The following SAMD9L variants were observed in gnomAD, a reference collection of about 807,000 sequenced individuals.
SAMD9L encodes sterile alpha motif domain containing 9 like.
In SAMD9L, 68 loss-of-function variants were observed where a neutral mutation model predicts 90.7. The observed-to-expected ratio is 0.75, with a 90% CI of 0.62 to 0.92. The LOEUF (loss-of-function observed/expected upper bound fraction) is 0.92, where lower values mean the gene tolerates loss of function less well. Among genes scored for constraint, SAMD9L ranks in the 40% least tolerant of loss-of-function variants. The probability of loss-of-function intolerance (pLI) is 0.00; values close to 1 mark genes in which losing one functional copy is unlikely to be tolerated. For missense variants in SAMD9L, 1,604 were observed against 1,824.3 expected, an observed-to-expected ratio of 0.88 and a Z score of 2.20; for synonymous variants, 640 against 630.1, an observed-to-expected ratio of 1.02 and a Z score of -0.23.
At chr7:93,147,914 C>T (rs1792954582) in intron 1 of SAMD9L, among the ~76,000 whole-genome samples, 1 of 152,150 alleles carries the variant, frequency 6.6e-6, no homozygotes, top group African/African-American at 2.4e-5. Flanking sequence ...TTTCTCTATC[C>T]TCTTTTCCAA....
At chr7:93,143,003 A>G (rs554235086) in intron 4 of SAMD9L, among the ~76,000 whole-genome samples, 1 of 152,344 alleles carries the variant, frequency 6.6e-6, no homozygotes, top group African/African-American at 2.4e-5. Context: ...CTTAGCAACC[A>G]TTACATGCCC....
chr7:93,135,652 G>A lies in SAMD9L; in HGVS notation c.320C>T (p.Thr107Ile). 3 of 1,613,886 alleles carry A rather than the reference G, an allele frequency of 1.9e-6. 1 individual carries two copies. The highest frequency in any genetic ancestry group is 2.2e-5 in the South Asian group (2 of 91,072). Residue 107 changes from threonine to isoleucine, a missense_variant, in exon 5 of 5, where the codon ACC becomes ATC. This residue lies in a region of SAMD9L where 374 missense variants were observed against 363.6 expected (regional missense o/e 1.03). Transcript: ENST00000318238. ...CATTGAATTTTCTTCTTCCTTTTTG[G>A]TGTGTTTTGGATTTTTCTGGTGTTC... ...KTEHQKNPKH[T>I]KKEEENSMSS...
Position 93,132,070 on chromosome 7 carries a change from C to T in SAMD9L, c.3902G>A (p.Arg1301Lys), listed in dbSNP as rs1481116213. 6.2e-7 allele frequency: 1 copy of T among 1,613,708 alleles called. No homozygotes were observed. The highest frequency in any genetic ancestry group is 2.2e-5 in the East Asian group (1 of 44,864). ...ATGACAGAAAAGTTCTGTGTATTTC[C>T]TGAAACAACGACTGACTTTCTTGCT... is the stretch of plus-strand genomic sequence containing the variant. ...MLSKKVSRCFRKYTELFCHLD... is the reference protein window; with the variant it reads ...MLSKKVSRCFKKYTELFCHLD... Residue 1301 changes from arginine (R) to lysine (K), a missense_variant, in exon 5 of 5, where the codon AGG (arginine) becomes AAG (lysine). This residue lies in a region of SAMD9L where 282 missense variants were observed against 329.6 expected (regional missense o/e 0.86). Coordinates refer to ENST00000318238, the MANE Select transcript of SAMD9L (RefSeq NM_152703.5).
At position 93,134,771 on chromosome 7, in the gene SAMD9L, G is replaced by A. The variant is rs780776637; in HGVS notation, c.1201C>T (p.Leu401Phe). 18 of 1,613,202 alleles carry A rather than the reference G, an allele frequency of 1.1e-5. No individual in the cohort carries two copies. In the Admixed American group the frequency reaches 2.3e-4, roughly 21 times the overall value. Residue 401 changes from leucine to phenylalanine, a missense_variant, in exon 5 of 5, where the codon CTT (leucine) becomes TTT (phenylalanine). By Grantham distance (22) the Leu-to-Phe change is conservative (BLOSUM62 0). Coordinates refer to ENST00000318238, the MANE Select transcript of SAMD9L (RefSeq NM_152703.5). ...AGTGAGTCTCGGTTTCCTATGAGAA[G>A]TTTAACCAGCTTTAGTCCTTCACTC... ...KESEGLKLVK[L>F]LIGNRDSLDN...
At position 93,131,708 on chromosome 7, in the gene SAMD9L, G is replaced by C. The variant is rs1342257601; in HGVS notation, c.4264C>G (p.Gln1422Glu). Reference protein sequence around the residue: ...EVLQFVGLSHQYPGPYFLACL... With the variant: ...EVLQFVGLSHEYPGPYFLACL... ...GCCAAGAAATAAGGACCTGGATATT[G>C]ATGACTTAGTCCTACAAATTGCAAG... is the stretch of plus-strand genomic sequence containing the variant. Residue 1422 changes from glutamine to glutamate, a missense_variant, in exon 5 of 5, where the codon CAA becomes GAA. Physicochemically the swap from Gln to Glu is conservative, Grantham distance 29. This residue lies in a region of SAMD9L where 282 missense variants were observed against 329.6 expected (regional missense o/e 0.86). Transcript: ENST00000318238. 6.2e-7 allele frequency: 1 copy of C among 1,613,770 alleles called. No homozygotes were observed. Among genetic ancestry groups the C allele is most frequent in the East Asian group, 2.2e-5 (1 of 44,892 alleles).
Position 93,132,695 on chromosome 7 carries a change from A to T in SAMD9L, c.3277T>A (p.Tyr1093Asn). 1 of 1,613,878 alleles carries T rather than the reference A, an allele frequency of 6.2e-7. No individual in the cohort carries two copies. The highest frequency in any genetic ancestry group is 1.1e-5 in the South Asian group (1 of 91,076). The stretch of plus-strand genomic sequence containing the variant: ...GTGTTAAAGTCCTTCTCTTTAATGT[A>T]GAAATGTCTTGCTAAGGCTTGACAA... Reference protein sequence around the residue: ...FICQALARHFYIKEKDFNTAL... With the variant: ...FICQALARHFNIKEKDFNTAL... Residue 1093 changes from tyrosine to asparagine, a missense_variant, in exon 5 of 5, where the codon TAC becomes AAC. Tyr to Asn is a moderately radical substitution (Grantham distance 143). Transcript: ENST00000318238.
In SAMD9L at chr7:93,131,286, T is replaced by G; in HGVS notation, c.4686A>C (p.Ile1562=). 1 of 1,609,388 alleles carries G rather than the reference T, an allele frequency of 6.2e-7. No homozygotes were observed. Among genetic ancestry groups the G allele is most frequent in the Non-Finnish European group, 8.5e-7 (1 of 1,178,346 alleles). The part of the protein sequence containing the change: ...YSGPLRSGRN[I]ERVSFYLGFS... ...ATCCTAGGTAGAAAGACACTCTTTC[T>G]ATGTTCCTACCACTTCTGAGTGGAC... The change falls in exon 5 of 5, where the codon ATA becomes ATC. Residue 1562 remains isoleucine, a synonymous_variant. Coordinates refer to ENST00000318238, the MANE Select transcript of SAMD9L (RefSeq NM_152703.5).
At position 93,130,263 on chromosome 7, in the gene SAMD9L, C is replaced by T. The variant is rs1011807946; in HGVS notation, c.*954G>A. On this transcript the variant is annotated 3_prime_UTR_variant, in exon 5 of 5. Transcript: ENST00000318238. Reference sequence around the variant, plus strand: ...GAACACATATTACCATGAGGAAGCCCTCTAATCAGGCAGGAATGATGGTGG... The same window carrying T: ...GAACACATATTACCATGAGGAAGCCTTCTAATCAGGCAGGAATGATGGTGG... The T allele has an allele frequency of 1.6e-4, 24 of 152,090 alleles. No individual in the cohort carries two copies. Among genetic ancestry groups the T allele is most frequent in the African/African-American group, 5.6e-4 (23 of 41,394 alleles). 9.4% of individuals were successfully genotyped at this position (152,090 alleles called of 1,614,324 possible). A position where few individuals can be genotyped will look rare whatever the true frequency, so the allele number is the denominator to read the frequency against.
chr7:93,135,068 T>C lies in SAMD9L; in HGVS notation c.904A>G (p.Arg302Gly). Residue 302 changes from arginine (R) to glycine (G), a missense_variant, in exon 5 of 5, where the codon AGA becomes GGA. Arg to Gly is a moderately radical substitution (Grantham distance 125). Coordinates refer to ENST00000318238, the MANE Select transcript of SAMD9L (RefSeq NM_152703.5). ...ATAGTATCAACTTCAATGACAAATC[T>C]GTCAGATGGTGTATTGTTCTGCAGA... Reference protein sequence around the residue: ...VLLQNNTPSDRFVIEVDTIPK... With the variant: ...VLLQNNTPSDGFVIEVDTIPK... The C allele has an allele frequency of 6.2e-7, 1 of 1,613,226 alleles. No homozygotes were observed. The highest frequency in any genetic ancestry group is 8.5e-7 in the Non-Finnish European group (1 of 1,179,774).
chr7:93,133,935 A>G lies in SAMD9L; in HGVS notation c.2037T>C (p.Phe679=), dbSNP rs188902048. The G allele has an allele frequency of 6.2e-7, 1 of 1,613,756 alleles. No individual in the cohort carries two copies. Among genetic ancestry groups the G allele is most frequent in the Non-Finnish European group, 8.5e-7 (1 of 1,179,884 alleles). Residue 679 remains phenylalanine (F), a synonymous_variant, in exon 5 of 5, where the codon TTT becomes TTC. Transcript: ENST00000318238. ...AAAAGTGTTCTTCTTTTGATTTCTTAAACTCCAGGAATTTAGATTTGTCTT... is the reference window on the plus strand; with the variant it reads ...AAAAGTGTTCTTCTTTTGATTTCTTGAACTCCAGGAATTTAGATTTGTCTT... ...IEKDKSKFLE[F]KKSKEEHFYR... is the part of the protein sequence containing the mutation.
rs767767913 is a variant in SAMD9L at position 93,131,644 on chromosome 7, T to G, written c.4328A>C (p.Gln1443Pro). Residue 1443 changes from glutamine (Q) to proline (P), a missense_variant, in exon 5 of 5, where the codon CAA (glutamine) becomes CCA (proline). By Grantham distance (76) the Gln-to-Pro change is moderately conservative. Around this residue, in one of 7 missense-constraint regions of SAMD9L, gnomAD observed 282 missense variants for 329.6 expected, o/e 0.86. Coordinates refer to ENST00000318238, the MANE Select transcript of SAMD9L (RefSeq NM_152703.5). ...ATACTTTTCTATTAGTTTGGAATCT[T>G]GATCTAGCTCTTGATTTTCTGGCCA... Reference protein sequence around the residue: ...LFWPENQELDQDSKLIEKYVS... With the variant: ...LFWPENQELDPDSKLIEKYVS... 27 of 1,613,920 alleles carry G rather than the reference T, an allele frequency of 1.7e-5. No individual in the cohort carries two copies. The highest frequency in any genetic ancestry group is 2.2e-5 in the Non-Finnish European group (26 of 1,179,898).
At chr7:93,137,734 GTTTT>G (rs61599939) in intron 4 of SAMD9L, among the ~76,000 whole-genome samples, 80 of 121,944 alleles carry the variant, frequency 6.6e-4, no homozygotes, top group East Asian at 2.5e-3. Flanking sequence ...AGGAACCTAA[GTTTT>G]TTTTTTTTTT....
In SAMD9L at chr7:93,133,055, T is replaced by C; in HGVS notation, c.2917A>G (p.Lys973Glu). Reference sequence around the variant, plus strand: ...CTCCCATATTCTGCAACTTCTGTTTTTATTAGAAGTGTAGAATAAGTTCCC... The same window carrying C: ...CTCCCATATTCTGCAACTTCTGTTTCTATTAGAAGTGTAGAATAAGTTCCC... ...KMGTYSTLLI[K>E]TEVAEYGRYT... The change falls in exon 5 of 5, where the codon AAA (lysine) becomes GAA (glutamate). Residue 973 changes from lysine to glutamate, a missense_variant. Physicochemically the swap from Lys to Glu is moderately conservative, Grantham distance 56. Coordinates refer to ENST00000318238, the MANE Select transcript of SAMD9L (RefSeq NM_152703.5). 6.2e-7 allele frequency: 1 copy of C among 1,613,628 alleles called. No homozygotes were observed. The highest frequency in any genetic ancestry group is 8.5e-7 in the Non-Finnish European group (1 of 1,179,722).
chr7:93,132,607 G>A lies in SAMD9L; in HGVS notation c.3365C>T (p.Thr1122Ile), dbSNP rs748535281. 3.2e-5 allele frequency: 51 copies of A among 1,613,558 alleles called. No homozygotes were observed. The highest frequency in any genetic ancestry group is 4.0e-5 in the African/African-American group (3 of 74,866). The change falls in exon 5 of 5, where the codon ACA becomes ATA. Residue 1122 changes from threonine (T) to isoleucine (I), a missense_variant. Physicochemically the swap from Thr to Ile is moderately conservative, Grantham distance 89. This residue lies in a region of SAMD9L where 302 missense variants were observed against 314.7 expected (regional missense o/e 0.96). Coordinates refer to ENST00000318238, the MANE Select transcript of SAMD9L (RefSeq NM_152703.5). ...TTCACTTTTGTAGACTTGACCTAGT[G>A]TATCTGAAATATAGGAATTTTTAGG... ...KAPKNSYISD[T>I]LGQVYKSEIK...
rs1157549872 is a variant in SAMD9L, at chr7:93,134,057, C to G, written c.1915G>C (p.Gly639Arg). The G allele has an allele frequency of 6.2e-7, 1 of 1,613,858 alleles. No individual in the cohort carries two copies. Among genetic ancestry groups the G allele is most frequent in the Non-Finnish European group, 8.5e-7 (1 of 1,179,878 alleles). The change falls in exon 5 of 5, where the codon GGA becomes CGA. Residue 639 changes from glycine (G) to arginine (R), a missense_variant. By Grantham distance (125) the Gly-to-Arg change is moderately radical. Coordinates refer to ENST00000318238, the MANE Select transcript of SAMD9L (RefSeq NM_152703.5). ...RSSRRFLPAR[G>R]SSSVILEKKK... ...TTCTCTAGGATAACTGAAGAAGATC[C>G]ACGGGCGGGCAAAAACCTTCTTGAT...
At position 93,133,337 on chromosome 7, in the gene SAMD9L, G is replaced by A; in HGVS notation, c.2635C>T (p.Gln879Ter). The change falls in exon 5 of 5, where the codon CAG becomes TAG. Residue 879 changes from glutamine (Q) to a stop codon, truncating the protein, a stop_gained. Coordinates refer to ENST00000318238, the MANE Select transcript of SAMD9L (RefSeq NM_152703.5). LOFTEE classifies it high-confidence loss of function. ...TAAAAGTTTTCACAGTTCTTGTGCT[G>A]CTTTTCAATTTCCTTCAGTTTGGCA... ...FGAKLKEIEK[Q>*]HKNCENFYSF... 6.2e-7 allele frequency: 1 copy of A among 1,613,004 alleles called. No homozygotes were observed. Among genetic ancestry groups the A allele is most frequent in the African/African-American group, 1.3e-5 (1 of 74,948 alleles).
In SAMD9L at chr7:93,133,983, C is replaced by T. The variant is rs1792282893; in HGVS notation, c.1989G>A (p.Glu663=). 1.2e-6 allele frequency: 2 copies of T among 1,613,544 alleles called. No individual in the cohort carries two copies. Among genetic ancestry groups the T allele is most frequent in the South Asian group, 2.2e-5 (2 of 91,050 alleles). The part of the protein sequence containing the change: ...LTALEILCEN[E]CTETDIEKDK... ...CTTTCTCGATGTCTGTCTCTGTACA[C>T]TCATTTTCACAGAGGATTTCCAGTG... Residue 663 remains glutamate (E), a synonymous_variant, in exon 5 of 5, where the codon GAG becomes GAA. Coordinates refer to ENST00000318238, the MANE Select transcript of SAMD9L (RefSeq NM_152703.5).
chr7:93,131,993 TCTC>T lies in SAMD9L; in HGVS notation c.3976_3978del (p.Glu1326del), dbSNP rs1217479451. ...AGAGCTTCTAGCTTTTTCCTGCAAT[TCTC>T]CTCCTGGAGTAATTGACTCTCTTTA... On this transcript the variant is annotated inframe_deletion, in exon 5 of 5. Transcript: ENST00000318238. The T allele has an allele frequency of 1.2e-6, 2 of 1,611,906 alleles. No individual in the cohort carries two copies. Among genetic ancestry groups the T allele is most frequent in the African/African-American group, 1.3e-5 (1 of 74,838 alleles).
chr7:93,143,516 C>G (rs574218077), intron 4 of SAMD9L, among the ~76,000 whole-genome samples: 3 of 152,306 alleles, frequency 2.0e-5, no homozygotes, highest in African/African-American at 7.2e-5. Flanking sequence ...ACCACGGTCA[C>G]CTTGCTTCCT....
Sources: allele counts gnomAD v4.1 joint callset (sites outside exome capture counted in the v4.1 genomes callset), GRCh38; gene constraint gnomAD v4.1.1; regional missense constraint gnomAD v4.1.1; transcripts MANE v1.5; gene names NCBI Gene and HGNC (gene_info 2026-07-23, HGNC 2026-07-21).